The following MARK3 variants were observed in gnomAD, a reference collection of about 807,000 sequenced individuals.
MARK3 encodes the protein microtubule affinity regulating kinase 3.
MARK3 carries 46 observed loss-of-function variants against 90.1 expected under a neutral mutation model. The ratio of observed to expected loss-of-function variants is 0.51; its 90% CI spans 0.40 to 0.65. The LOEUF (loss-of-function observed/expected upper bound fraction) is 0.65. MARK3 is among the 30% of genes least tolerant of loss of function. The pLI, the probability that MARK3 is intolerant of heterozygous loss-of-function variation, is 0.00. For missense variants in MARK3, 818 were observed against 947.2 expected, an observed-to-expected ratio of 0.86 and a Z score of 1.79; for synonymous variants, 321 against 332.6, an observed-to-expected ratio of 0.97 and a Z score of 0.38.
chr14:103,501,055 G>T (rs568889720), intron 17 of MARK3, among the ~76,000 whole-genome samples: 123 of 152,282 alleles, frequency 8.1e-4, no homozygotes, highest in African/African-American at 3.0e-3. Context: ...TCACCAGCAG[G>T]CTATTTCAGG....
chr14:103,480,736 G>A (rs1855128180), intron 14 of MARK3, among the ~76,000 whole-genome samples: 2 of 152,206 alleles, frequency 1.3e-5, no homozygotes, highest in South Asian at 4.1e-4. Context: ...AACCCAGGGG[G>A]TTTCCTAGAG....
chr14:103,466,162 T>A, intron 9 of MARK3, 71 bp downstream of exon 9: 1 of 1,551,008 alleles, frequency 6.4e-7, no homozygotes, highest in Non-Finnish European at 8.8e-7. Context: ...TTTGCTTGAT[T>A]TGTATGCCAT....
chr14:103,420,771 T>A (rs2092180032), intron 2 of MARK3, among the ~76,000 whole-genome samples: 1 of 152,204 alleles, frequency 6.6e-6, no homozygotes. Context: ...TGGTAATCCT[T>A]TTCGGACATA....
chr14:103,482,609 T>C (rs2093846675), intron 14 of MARK3, among the ~76,000 whole-genome samples: 1 of 152,158 alleles, frequency 6.6e-6, no homozygotes, highest in Non-Finnish European at 1.5e-5. Context: ...GATATGTGAC[T>C]GTCTGAGGTG....
intron 1 of MARK3, among the ~76,000 whole-genome samples, chr14:103,392,818 T>A (rs577889216): frequency 1.5e-4 from 23 of 151,848 alleles, no homozygotes; most frequent in Non-Finnish European, 2.2e-4. Context: ...TTTTTTTTTT[T>A]TAAATTTCCT....
intron 2 of MARK3, among the ~76,000 whole-genome samples, chr14:103,411,428 A>G (rs372983756): frequency 4.6e-5 from 7 of 151,992 alleles, no homozygotes; most frequent in South Asian, 2.1e-4. Context: ...TTGGATTACA[A>G]TTGTCCCAGA....
intron 2 of MARK3, among the ~76,000 whole-genome samples, chr14:103,411,124 A>G (rs1194889314): frequency 6.6e-6 from 1 of 152,184 alleles, no homozygotes; most frequent in Non-Finnish European, 1.5e-5. Context: ...AATACAAAAA[A>G]TTAGCTGGGC....
rs1258760797 is a variant in MARK3, at chr14:103,412,630, C to T, written c.243+7363C>T. On this transcript the variant is annotated intron_variant, in intron 2 of 17. Coordinates refer to ENST00000429436, the MANE Select transcript of MARK3 (RefSeq NM_001128918.3). ...CGGTGCCCGAGAAGCGCTTGTCCTT[C>T]TGGGGGTCATAGTTCTTCAAGCTGA... is the stretch of plus-strand genomic sequence containing the variant. The T allele has an allele frequency of 1.4e-5, 14 of 1,007,884 alleles. 1 individual carries two copies. Among genetic ancestry groups the T allele is most frequent in the Non-Finnish European group, 2.0e-5 (14 of 699,126 alleles). The allele number at this position is 1,007,884 out of a possible 1,614,324, so 62.4% of individuals were successfully genotyped here. A position where few individuals can be genotyped will look rare whatever the true frequency, so the allele number is the denominator to read the frequency against.
At chr14:103,434,030 G>A (rs367706040) in intron 3 of MARK3, among the ~76,000 whole-genome samples, 3 of 152,114 alleles carry the variant, frequency 2.0e-5, no homozygotes, top group South Asian at 4.2e-4. Flanking sequence ...TCTCATTATC[G>A]TGTGTTTCTT....
Position 103,465,565 on chromosome 14 carries a change from T to A in MARK3, c.549T>A (p.Asn183Lys). 1 of 1,611,376 alleles carries A rather than the reference T, an allele frequency of 6.2e-7. No homozygotes were observed. The highest frequency in any genetic ancestry group is 1.3e-5 in the African/African-American group (1 of 74,998). Residue 183 changes from asparagine to lysine, a missense_variant, in exon 8 of 18, where the codon AAT becomes AAA. Around this residue, in one of 3 missense-constraint regions of MARK3, gnomAD observed 101 missense variants for 175.1 expected, o/e 0.58. Coordinates refer to ENST00000429436, the MANE Select transcript of MARK3 (RefSeq NM_001128918.3). ...TGATGTTTTCCCTCTAGGCTGAAAA[T>A]CTATTGTTAGATGCCGATATGAACA... ...RIVHRDLKAE[N>K]LLLDADMNIK... is the part of the protein sequence containing the mutation.
At chr14:103,421,684 G>A (rs1218430352) in intron 2 of MARK3, among the ~76,000 whole-genome samples, 1 of 152,120 alleles carries the variant, frequency 6.6e-6, no homozygotes, top group Non-Finnish European at 1.5e-5. Context: ...CCTGCTACAT[G>A]TTCCACTGTA....
chr14:103,408,178 T>G (rs2091426875), intron 2 of MARK3, among the ~76,000 whole-genome samples: 1 of 152,058 alleles, frequency 6.6e-6, no homozygotes, highest in Admixed American at 6.6e-5. Flanking sequence ...GCAATAATAC[T>G]GTTTTTTGGC....
intron 5 of MARK3, among the ~76,000 whole-genome samples, chr14:103,455,982 T>C (rs2093269998): frequency 6.6e-6 from 1 of 152,226 alleles, no homozygotes; most frequent in Admixed American, 6.5e-5. Context: ...TCTAAATTAG[T>C]ATTCTTTTCT....
At chr14:103,468,868 A>T (rs34721082) in intron 12 of MARK3, among the ~76,000 whole-genome samples, 3 of 148,472 alleles carry the variant, frequency 2.0e-5, no homozygotes, top group African/African-American at 7.5e-5. Context: ...AGTTCAAACT[A>T]TTCTCTCACC....
At chr14:103,400,268 C>T (rs1439761301) in intron 1 of MARK3, among the ~76,000 whole-genome samples, 6 of 152,074 alleles carry the variant, frequency 3.9e-5, no homozygotes, top group Admixed American at 3.9e-4. Context: ...CAACCCCTAC[C>T]CCCTACTACA....
chr14:103,430,145 T>G (rs557595029), intron 3 of MARK3, among the ~76,000 whole-genome samples: 9 of 152,302 alleles, frequency 5.9e-5, no homozygotes, highest in African/African-American at 1.9e-4. Context: ...ATTAAAACTT[T>G]AAGATTTGTT....
chr14:103,495,694 AC>A (rs1304502503), intron 15 of MARK3, among the ~76,000 whole-genome samples: 1 of 152,090 alleles, frequency 6.6e-6, no homozygotes. Flanking sequence ...CTATTTCCAC[AC>A]CCCCAGATTT....
chr14:103,415,491 A>G (rs200798576), intron 2 of MARK3, among the ~76,000 whole-genome samples: 2 of 152,334 alleles, frequency 1.3e-5, no homozygotes, highest in South Asian at 2.1e-4. Context: ...TCCTGGAAGC[A>G]TCTATCCCAT....
rs533479372 is a variant in MARK3, at chr14:103,390,301, A to G, written c.51+4221A>G. Among the ~76,000 whole-genome samples the G allele has an allele frequency of 1.1e-4, 16 of 152,246 alleles. No individual in the cohort carries two copies. The East Asian group carries it at 1.2e-3, about 11-fold the overall frequency. ...TGTTATAGCTCAAAAGAACTACTCA[A>G]TCTGATCCAGTGAGGTTGCTGAGAC... On this transcript the variant is annotated intron_variant, in intron 1 of 17. Coordinates refer to ENST00000429436, the MANE Select transcript of MARK3 (RefSeq NM_001128918.3).
Sources: allele counts gnomAD v4.1 joint callset (sites outside exome capture counted in the v4.1 genomes callset), GRCh38; gene constraint gnomAD v4.1.1; regional missense constraint gnomAD v4.1.1; transcripts MANE v1.5; gene names NCBI Gene and HGNC (gene_info 2026-07-23, HGNC 2026-07-21).